The following ENTREP2 variants were observed in gnomAD, a reference collection of about 807,000 sequenced individuals.
The protein encoded by ENTREP2 is protein ENTREP2.
chr15:29,133,009 C>A, the ENTREP2 span, among the ~76,000 whole-genome samples: 1 of 152,170 alleles, frequency 6.6e-6, no homozygotes, highest in East Asian at 1.9e-4. Flanking sequence ...GAACCACACA[C>A]CCCTGCCGCC....
chr15:29,266,982 G>A, the ENTREP2 span: 1 of 152,250 alleles, frequency 6.6e-6, no homozygotes, highest in Admixed American at 6.5e-5. Context: ...AGGGCATGAG[G>A]AGGAGAAAGC....
At chr15:29,140,559 CTT>C in the ENTREP2 span, among the ~76,000 whole-genome samples, 4 of 152,190 alleles carry the variant, frequency 2.6e-5, no homozygotes, top group Admixed American at 1.3e-4. Flanking sequence ...ACTCCCCGCT[CTT>C]TGAACAAACC....
At chr15:29,651,396 G>A in the ENTREP2 span, among the ~76,000 whole-genome samples, 267 of 152,354 alleles carry the variant, frequency 1.8e-3, 1 homozygote, top group African/African-American at 6.0e-3. Context: ...ATCCTAGGAA[G>A]GTGATAGCAG....
At chr15:29,136,946 T>G in the ENTREP2 span, 1 of 1,123,760 alleles carries the variant, frequency 8.9e-7, no homozygotes, top group Non-Finnish European at 1.2e-6. Context: ...CTCACCGCCA[T>G]GCCTGCAGGA....
the ENTREP2 span, chr15:29,267,747 G>T: frequency 6.6e-6 from 1 of 152,164 alleles, no homozygotes; most frequent in African/African-American, 2.4e-5. Context: ...TTAAAAAGTG[G>T]CAGCTCCAGA....
chr15:29,654,658 G>C, the ENTREP2 span, among the ~76,000 whole-genome samples: 1 of 152,226 alleles, frequency 6.6e-6, no homozygotes, highest in East Asian at 1.9e-4. Flanking sequence ...TCCTTATCTT[G>C]CAGTATACAA....
At chr15:29,600,902 C>CCTT in the ENTREP2 span, among the ~76,000 whole-genome samples, 1 of 123,608 alleles carries the variant, frequency 8.1e-6, no homozygotes, top group African/African-American at 3.6e-5. Flanking sequence ...ATTTTTCTTT[C>CCTT]TTTTTTTTTT....
the ENTREP2 span, among the ~76,000 whole-genome samples, chr15:29,612,091 T>C: frequency 1.3e-5 from 2 of 152,210 alleles, no homozygotes; most frequent in Non-Finnish European, 2.9e-5. Context: ...CTCTGTGATG[T>C]TTTTCCTCCT....
At chr15:29,416,178 T>C in the ENTREP2 span, among the ~76,000 whole-genome samples, 5 of 152,050 alleles carry the variant, frequency 3.3e-5, no homozygotes, top group African/African-American at 1.2e-4. Flanking sequence ...AAAAAGAGCC[T>C]GCATTGCCAA....
the ENTREP2 span, among the ~76,000 whole-genome samples, chr15:29,211,038 T>C: frequency 6.6e-6 from 1 of 152,280 alleles, no homozygotes; most frequent in East Asian, 1.9e-4. Flanking sequence ...TCCTAACACT[T>C]AGGATCAGAT....
At chr15:29,499,651 C>A in the ENTREP2 span, among the ~76,000 whole-genome samples, 5,211 of 151,974 alleles carry the variant, frequency 0.034, 282 homozygotes, top group African/African-American at 0.12. Context: ...GCTGAGATTA[C>A]AAGTGTGAGC....
the ENTREP2 span, among the ~76,000 whole-genome samples, chr15:29,587,190 T>TGTGTGTGTGTGTGTG: frequency 2.8e-5 from 4 of 142,848 alleles, no homozygotes; most frequent in Admixed American, 7.1e-5. Flanking sequence ...TGTGTGTGTG[T>TGTGTGTGTGTGTGTG]TTCGTAGCTC....
At chr15:29,286,572 T>C in the ENTREP2 span, among the ~76,000 whole-genome samples, 1 of 152,128 alleles carries the variant, frequency 6.6e-6, no homozygotes, top group African/African-American at 2.4e-5. Context: ...AATGCGGCGG[T>C]AGTGACACTG....
At chr15:29,522,788 T>G in the ENTREP2 span, among the ~76,000 whole-genome samples, 1 of 152,224 alleles carries the variant, frequency 6.6e-6, no homozygotes, top group Admixed American at 6.5e-5. Flanking sequence ...CTGTTTTTAT[T>G]TGACCTGACT....
the ENTREP2 span, among the ~76,000 whole-genome samples, chr15:29,586,483 G>T: frequency 6.6e-6 from 1 of 152,170 alleles, no homozygotes; most frequent in Non-Finnish European, 1.5e-5. Flanking sequence ...TTTCGTAAAG[G>T]TGTTATTTTT....
chr15:29,550,695 T>G, the ENTREP2 span, among the ~76,000 whole-genome samples: 1 of 152,212 alleles, frequency 6.6e-6, no homozygotes, highest in Admixed American at 6.5e-5. Context: ...ACAAAGACAC[T>G]CTAATTTAAA....
chr15:29,243,716 G>T, the ENTREP2 span, among the ~76,000 whole-genome samples: 1 of 152,076 alleles, frequency 6.6e-6, no homozygotes, highest in South Asian at 2.1e-4. Flanking sequence ...AATATTATCT[G>T]TAGCTTTATA....
the ENTREP2 span, among the ~76,000 whole-genome samples, chr15:29,512,234 C>T: frequency 1.3e-5 from 2 of 152,018 alleles, no homozygotes; most frequent in Non-Finnish European, 1.5e-5. Flanking sequence ...TGTCATAAAA[C>T]AACCCCTCAA....
chr15:29,645,466 C>A, the ENTREP2 span, among the ~76,000 whole-genome samples: 1 of 152,152 alleles, frequency 6.6e-6, no homozygotes, highest in African/African-American at 2.4e-5. Context: ...AGCAATGATG[C>A]CTCCCTGCAA....
Sources: gnomAD v4.1 joint callset for allele counts (sites outside exome capture counted in the v4.1 genomes callset) on GRCh38, gnomAD v4.1.1 for gene constraint, MANE v1.5 for transcripts, NCBI Gene and HGNC (gene_info 2026-07-23, HGNC 2026-07-21) for gene names.